LOXHD1: variants seen among roughly 807,000 people sequenced by gnomAD.
LOXHD1 encodes lipoxygenase homology domain-containing protein 1.
LOXHD1 carries 205 observed loss-of-function variants against 248.2 expected under a neutral mutation model. That is an observed-to-expected ratio of 0.83 (90% CI 0.74 to 0.93). The LOEUF is 0.93. LOXHD1 is among the 40% of genes least tolerant of loss of function. The probability of loss-of-function intolerance (pLI) is 0.00; values close to 1 mark genes in which losing one functional copy is unlikely to be tolerated. For synonymous variants in LOXHD1, 1,113 were observed against 1,162.8 expected (o/e 0.96, Z 0.87); for missense variants, 2,930 against 2,971.6 (o/e 0.99, Z 0.33).
At chr18:46,520,483 C>T (rs2035521423) in intron 33 of LOXHD1, 1 of 362,210 alleles carries the variant, frequency 2.8e-6, no homozygotes, top group Non-Finnish European at 5.4e-6. Flanking sequence ...TAGCACCAGG[C>T]ATCTGCCTCC....
rs753209859 is a variant in LOXHD1 at position 46,477,515 on chromosome 18, C to A, written c.6779G>T (p.Arg2260Leu). The A allele has an allele frequency of 1.3e-6, 2 of 1,550,762 alleles. No individual in the cohort carries two copies. The highest frequency in any genetic ancestry group is 1.4e-5 in the African/African-American group (1 of 73,032). Residue 2260 changes from arginine (R) to leucine (L), a missense_variant, in exon 41 of 41, where the codon CGG becomes CTG. Physicochemically the swap from Arg to Leu is moderately radical, Grantham distance 102 (BLOSUM62 -2). Coordinates refer to ENST00000642948, the MANE Select transcript of LOXHD1 (RefSeq NM_001384474.1). ...FNCGRWLDKK[R>L]GDGLTWRDLF... is the part of the protein sequence containing the mutation. ...GTCTCTCCAGGTGAGTCCATCCCCC[C>A]GCTTCTTGTCCAGCCACCTGCCACA...
intron 21 of LOXHD1, among the ~76,000 whole-genome samples, chr18:46,552,655 G>A (rs181550772): frequency 7.9e-5 from 12 of 152,180 alleles, no homozygotes; most frequent in Admixed American, 4.6e-4. Flanking sequence ...CAATCCTTTC[G>A]GTTCAGGCCA....
chr18:46,617,203 G>T (rs1013905761), intron 5 of LOXHD1, among the ~76,000 whole-genome samples: 12 of 152,174 alleles, frequency 7.9e-5, no homozygotes, highest in Admixed American at 5.9e-4. Context: ...CAGGCCTAAG[G>T]TATCAATTTC....
intron 1 of LOXHD1, among the ~76,000 whole-genome samples, chr18:46,653,796 C>T (rs896804282): frequency 2.0e-5 from 3 of 152,184 alleles, no homozygotes; most frequent in Non-Finnish European, 4.4e-5. Context: ...TTCCTCATCT[C>T]TGAAGTAGGA....
At chr18:46,529,625 A>T (rs2035975470) in intron 28 of LOXHD1, among the ~76,000 whole-genome samples, 1 of 152,192 alleles carries the variant, frequency 6.6e-6, no homozygotes, top group Admixed American at 6.5e-5. Flanking sequence ...AGCTGCCTGC[A>T]GTGTACATGG....
intron 12 of LOXHD1, among the ~76,000 whole-genome samples, chr18:46,587,702 G>A (rs914785333): frequency 2.0e-5 from 3 of 152,208 alleles, no homozygotes; most frequent in Non-Finnish European, 2.9e-5. Context: ...ACGATTTTCT[G>A]CACTTGAGTC....
intron 37 of LOXHD1, among the ~76,000 whole-genome samples, chr18:46,497,732 G>A (rs1396528891): frequency 6.6e-6 from 1 of 152,162 alleles, no homozygotes; most frequent in African/African-American, 2.4e-5. Flanking sequence ...ACAAGATAAT[G>A]GTACCTGTGG....
intron 28 of LOXHD1, among the ~76,000 whole-genome samples, chr18:46,531,500 AC>A (rs997135377): frequency 6.6e-6 from 1 of 151,982 alleles, no homozygotes; most frequent in Non-Finnish European, 1.5e-5. Context: ...CTATAGGGAC[AC>A]CTTTTCTAGG....
At chr18:46,594,187 T>A in intron 9 of LOXHD1, 144 bp downstream of exon 9, 1 of 1,053,374 alleles carries the variant, frequency 9.5e-7, no homozygotes. Context: ...TTGGCGGGGT[T>A]GGGGGAGCTT....
At chr18:46,572,219 G>T in intron 14 of LOXHD1, 57 bp from the exon 15 acceptor site, 2 of 1,452,904 alleles carry the variant, frequency 1.4e-6, no homozygotes, top group Non-Finnish European at 9.5e-7. Flanking sequence ...GACAATCAAA[G>T]CTTCACCCAT....
At chr18:46,551,678 C>G (rs1234688095) in intron 21 of LOXHD1, among the ~76,000 whole-genome samples, 1 of 151,996 alleles carries the variant, frequency 6.6e-6, no homozygotes, top group African/African-American at 2.4e-5. Context: ...GGAGTTCAAA[C>G]ATAAAATTTT....
chr18:46,613,657 G>A (rs35745769), intron 5 of LOXHD1, among the ~76,000 whole-genome samples: 2 of 152,036 alleles, frequency 1.3e-5, no homozygotes, highest in South Asian at 2.1e-4. Context: ...GTGCTTTCAA[G>A]TTTTCAAAAT....
Position 46,593,774 on chromosome 18 carries a change from C to T in LOXHD1, c.1271-14G>A. The T allele has an allele frequency of 6.4e-7, 1 of 1,551,124 alleles. No homozygotes were observed. The highest frequency in any genetic ancestry group is 8.7e-7 in the Non-Finnish European group (1 of 1,146,716). ...ACCAAGGGAATTCTGTAAGACAGATCAAGTTGCACCATAAACTTCAGGAAG... is the reference window on the plus strand; with the variant it reads ...ACCAAGGGAATTCTGTAAGACAGATTAAGTTGCACCATAAACTTCAGGAAG... On this transcript the variant is annotated splice_polypyrimidine_tract_variant and intron_variant, in intron 9 of 40. Transcript: ENST00000642948.
In LOXHD1 at chr18:46,529,412, T is replaced by C; in HGVS notation, c.4376-81A>G. The C allele has an allele frequency of 2.1e-6, 3 of 1,452,572 alleles. No individual in the cohort carries two copies. The South Asian group carries it at 4.4e-5, about 21-fold the overall frequency. 90.0% of individuals were successfully genotyped at this position (1,452,572 alleles called of 1,614,324 possible). A position where few individuals can be genotyped will look rare whatever the true frequency, so the allele number is the denominator to read the frequency against. ...TTTAGGTCTTGAGGAACTGGATTTG[T>C]AGGAGGTGCTAAGCTTCTGGCCTAG... On this transcript the variant is annotated intron_variant, in intron 28 of 40. Transcript: ENST00000642948.
chr18:46,498,688 T>TAG (rs2034029710), intron 37 of LOXHD1, among the ~76,000 whole-genome samples: 1 of 152,192 alleles, frequency 6.6e-6, no homozygotes, highest in Non-Finnish European at 1.5e-5. Flanking sequence ...TCTCATCTTT[T>TAG]TATAAAGACA....
intron 21 of LOXHD1, among the ~76,000 whole-genome samples, chr18:46,556,120 CAT>C (rs1043479938): frequency 6.6e-6 from 1 of 151,158 alleles, no homozygotes; most frequent in African/African-American, 2.4e-5. Flanking sequence ...ATAATTTTCA[CAT>C]GTCAAAATGA....
chr18:46,563,624 G>A (rs1052028687), intron 17 of LOXHD1, among the ~76,000 whole-genome samples: 20 of 152,226 alleles, frequency 1.3e-4, no homozygotes, highest in African/African-American at 4.8e-4. Flanking sequence ...TTAAAAGGTG[G>A]GACCTTTAAG....
At chr18:46,534,284 G>T in intron 27 of LOXHD1, 51 bp downstream of exon 27, 1 of 1,373,838 alleles carries the variant, frequency 7.3e-7, no homozygotes. Flanking sequence ...CCTTGAACCT[G>T]CTCTGGAAAG....
chr18:46,486,666 G>A (rs1598820223), intron 38 of LOXHD1, among the ~76,000 whole-genome samples: 1 of 152,258 alleles, frequency 6.6e-6, no homozygotes, highest in East Asian at 1.9e-4. Context: ...CCTGGGTGTG[G>A]TTAGGGAAAT....
Sources: gnomAD v4.1 joint callset for allele counts (sites outside exome capture counted in the v4.1 genomes callset) on GRCh38, gnomAD v4.1.1 for gene constraint, MANE v1.5 for transcripts, NCBI Gene and HGNC (gene_info 2026-07-23, HGNC 2026-07-21) for gene names.